The following CAPZA1 variants were observed in gnomAD, a reference collection of about 807,000 sequenced individuals.
CAPZA1 encodes F-actin-capping protein subunit alpha-1.
In CAPZA1, 10 loss-of-function variants were observed where a neutral mutation model predicts 40.8. The observed-to-expected ratio is 0.25, with a 90% confidence interval of 0.15 to 0.42. The LOEUF (loss-of-function observed/expected upper bound fraction) is 0.42, where lower values mean the gene tolerates loss of function less well. Among genes scored for constraint, CAPZA1 ranks in the 10% least tolerant of loss-of-function variants. The pLI, the probability that CAPZA1 is intolerant of heterozygous loss-of-function variation, is 1.00. For missense variants in CAPZA1, 277 were observed against 353.8 expected, an observed-to-expected ratio of 0.78 and a Z score of 1.74; for synonymous variants, 98 against 115.0, an observed-to-expected ratio of 0.85 and a Z score of 0.95.
chr1:112,661,982 T>C (rs1225388546), intron 7 of CAPZA1, among the ~76,000 whole-genome samples: 1 of 152,260 alleles, frequency 6.6e-6, no homozygotes, highest in Non-Finnish European at 1.5e-5. Context: ...AACATCGTTC[T>C]GAGAAGGCAA....
At position 112,654,513 on chromosome 1, in the gene CAPZA1, C is replaced by T. The variant is rs1671459792; in HGVS notation, c.268C>T (p.Pro90Ser). The T allele has an allele frequency of 1.2e-6, 2 of 1,613,786 alleles. No homozygotes were observed. The highest frequency in any genetic ancestry group is 4.5e-5 in the East Asian group (2 of 44,856). The change falls in exon 5 of 10, where the codon CCA becomes TCA. Residue 90 changes from proline (P) to serine (S), a missense_variant. Around this residue, in one of 2 missense-constraint regions of CAPZA1, gnomAD observed 192 missense variants for 277.2 expected, o/e 0.69. Coordinates refer to ENST00000263168, the MANE Select transcript of CAPZA1 (RefSeq NM_006135.3). ...GDLGNSRFLDPRNKISFKFDH... is the reference protein window; with the variant it reads ...GDLGNSRFLDSRNKISFKFDH... Reference sequence around the variant, plus strand: ...CCTGGGTAATAGCAGATTTTTAGATCCAAGAAACAAAATTTCCTTTAAATT... The same window carrying T: ...CCTGGGTAATAGCAGATTTTTAGATTCAAGAAACAAAATTTCCTTTAAATT...
intron 1 of CAPZA1, among the ~76,000 whole-genome samples, chr1:112,623,805 G>A (rs1236854143): frequency 2.6e-5 from 4 of 151,306 alleles, no homozygotes; most frequent in Non-Finnish European, 4.4e-5. Context: ...TCAGGAGATC[G>A]AGATCCTGGC....
intron 9 of CAPZA1, 70 bp downstream of exon 9, chr1:112,669,675 G>A: frequency 8.8e-7 from 1 of 1,141,870 alleles, no homozygotes; most frequent in Admixed American, 1.8e-5. Context: ...TATTTTGTTA[G>A]GCCTTGTGTC....
At chr1:112,639,051 A>ACCT (rs1167285938) in intron 1 of CAPZA1, among the ~76,000 whole-genome samples, 1 of 149,630 alleles carries the variant, frequency 6.7e-6, no homozygotes, top group Non-Finnish European at 1.5e-5. Context: ...ACTTAAAGGT[A>ACCT]TTTTTGTGGT....
intron 5 of CAPZA1, among the ~76,000 whole-genome samples, chr1:112,657,798 G>A (rs1671528959): frequency 6.6e-6 from 1 of 152,068 alleles, no homozygotes; most frequent in African/African-American, 2.4e-5. Flanking sequence ...CACCATGTTG[G>A]CCGGGCTGGT....
At chr1:112,652,836 TAGAG>T (rs979711383) in intron 3 of CAPZA1, among the ~76,000 whole-genome samples, 8 of 152,216 alleles carry the variant, frequency 5.3e-5, no homozygotes, top group East Asian at 1.9e-4. Flanking sequence ...TAAAATGTAT[TAGAG>T]AGCCATTAAA....
intron 1 of CAPZA1, among the ~76,000 whole-genome samples, chr1:112,641,281 G>A (rs183553164): frequency 8.6e-4 from 131 of 151,814 alleles, no homozygotes; most frequent in Non-Finnish European, 1.5e-3. Flanking sequence ...TATCATACTA[G>A]TAACATTATA....
At chr1:112,661,677 G>T (rs896953675) in intron 7 of CAPZA1, among the ~76,000 whole-genome samples, 1 of 152,164 alleles carries the variant, frequency 6.6e-6, no homozygotes, top group Admixed American at 6.5e-5. Context: ...GAAGCTTATT[G>T]TAAATTTTGT....
At chr1:112,633,188 G>A (rs1670954232) in intron 1 of CAPZA1, among the ~76,000 whole-genome samples, 1 of 152,150 alleles carries the variant, frequency 6.6e-6, no homozygotes, top group South Asian at 2.1e-4. Flanking sequence ...CAGTCTCACT[G>A]TAACTGTATA....
chr1:112,659,832 G>A (rs533884694), intron 7 of CAPZA1, 53 bp downstream of exon 7: 2 of 1,408,122 alleles, frequency 1.4e-6, no homozygotes, highest in South Asian at 1.2e-5. Flanking sequence ...TAAAACATGT[G>A]CAGGTTGCTT....
At chr1:112,639,887 G>T (rs1570708661) in intron 1 of CAPZA1, among the ~76,000 whole-genome samples, 3 of 129,094 alleles carry the variant, frequency 2.3e-5, no homozygotes, top group Non-Finnish European at 3.4e-5. Context: ...CCCCCACCCG[G>T]CCAGCCGCCC....
Position 112,641,141 on chromosome 1 carries a change from T to G in CAPZA1, c.40-6069T>G, listed in dbSNP as rs547305536. The stretch of plus-strand genomic sequence containing the variant: ...CCAGAGACCTTTGTTCACTTGTTTA[T>G]CTGCTGACCTTCCCTCCACTATTGT... On this transcript the variant is annotated intron_variant, in intron 1 of 9. Coordinates refer to ENST00000263168, the MANE Select transcript of CAPZA1 (RefSeq NM_006135.3). 1.1e-4 allele frequency among the ~76,000 whole-genome samples: 17 copies of G among 152,082 alleles called. No individual in the cohort carries two copies. In the East Asian group the frequency reaches 2.9e-3, roughly 26 times the overall value.
At chr1:112,642,022 T>C (rs1671178317) in intron 1 of CAPZA1, among the ~76,000 whole-genome samples, 1 of 152,098 alleles carries the variant, frequency 6.6e-6, no homozygotes, top group African/African-American at 2.4e-5. Flanking sequence ...CAGGAATTAG[T>C]GTGACAAGTC....
intron 7 of CAPZA1, among the ~76,000 whole-genome samples, chr1:112,664,624 A>T (rs573277591): frequency 6.6e-6 from 1 of 152,264 alleles, no homozygotes; most frequent in East Asian, 1.9e-4. Context: ...TCCTCATCTC[A>T]TAAGAGTTTT....
At chr1:112,655,799 G>A (rs1322168053) in intron 5 of CAPZA1, among the ~76,000 whole-genome samples, 1 of 152,110 alleles carries the variant, frequency 6.6e-6, no homozygotes, top group African/African-American at 2.4e-5. Flanking sequence ...CTAACATCAG[G>A]TGATCCAGCT....
At position 112,659,116 on chromosome 1, in the gene CAPZA1, T is replaced by G. The variant is rs1671553994; in HGVS notation, c.506+15T>G. The G allele has an allele frequency of 4.5e-6, 7 of 1,542,254 alleles. No homozygotes were observed. Among genetic ancestry groups the G allele is most frequent in the Non-Finnish European group, 6.3e-6 (7 of 1,115,030 alleles). On this transcript the variant is annotated intron_variant, in intron 6 of 9. Coordinates refer to ENST00000263168, the MANE Select transcript of CAPZA1 (RefSeq NM_006135.3). Reference sequence around the variant, plus strand: ...AAAAACTTCTGGTAAGAAGTAGATATTCTCTTCTATTTACATCTGAAAGAA... The same window carrying G: ...AAAAACTTCTGGTAAGAAGTAGATAGTCTCTTCTATTTACATCTGAAAGAA...
intron 3 of CAPZA1, 69 bp from the exon 4 acceptor site, chr1:112,653,529 T>C: frequency 9.6e-7 from 1 of 1,039,546 alleles, no homozygotes; most frequent in Non-Finnish European, 1.4e-6. Flanking sequence ...TTTGTGTTTA[T>C]TTACACATAA....
chr1:112,665,180 T>G lies in CAPZA1; in HGVS notation c.586-1894T>G, dbSNP rs547132041. Reference sequence around the variant, plus strand: ...GTCTTTGTTTGGGGTTTTTTTGTGTTTTTTTTTTTTTTTTGAGACAGAGTC... The same window carrying G: ...GTCTTTGTTTGGGGTTTTTTTGTGTGTTTTTTTTTTTTTTGAGACAGAGTC... On this transcript the variant is annotated intron_variant, in intron 7 of 9. Coordinates refer to ENST00000263168, the MANE Select transcript of CAPZA1 (RefSeq NM_006135.3). Among the ~76,000 whole-genome samples, 352 of 145,890 alleles carry G rather than the reference T, an allele frequency of 2.4e-3. 1 individual carries two copies. The highest frequency in any genetic ancestry group is 8.2e-3 in the African/African-American group (325 of 39,670).
chr1:112,647,724 C>T (rs1436194258), intron 2 of CAPZA1, among the ~76,000 whole-genome samples: 1 of 152,158 alleles, frequency 6.6e-6, no homozygotes, highest in African/African-American at 2.4e-5. Flanking sequence ...TTTATCTTCC[C>T]CTCAAGATTC....
Sources: allele counts gnomAD v4.1 joint callset (sites outside exome capture counted in the v4.1 genomes callset), GRCh38; gene constraint gnomAD v4.1.1; regional missense constraint gnomAD v4.1.1; transcripts MANE v1.5; gene names NCBI Gene and HGNC (gene_info 2026-07-23, HGNC 2026-07-21).